NLGN1: variants seen among roughly 807,000 people sequenced by gnomAD.
NLGN1 encodes the protein neuroligin-1.
NLGN1 carries 12 observed loss-of-function variants against 65.5 expected under a neutral mutation model. The ratio of observed to expected loss-of-function variants is 0.18; its 90% CI spans 0.12 to 0.30. The LOEUF is 0.30. Ranked by LOEUF, NLGN1 falls within the 10% of genes least tolerant of loss-of-function variation. NLGN1 has a pLI of 1.00. For synonymous variants in NLGN1, 350 were observed against 359.5 expected (o/e 0.97, Z 0.30); for missense variants, 750 against 1,007.1 (o/e 0.74, Z 3.46).
chr3:173,953,316 A>G (rs940824080), intron 4 of NLGN1, among the ~76,000 whole-genome samples: 14 of 152,198 alleles, frequency 9.2e-5, no homozygotes, highest in African/African-American at 3.4e-4. Flanking sequence ...TTTTTCAAAA[A>G]GATGAACTTT....
At chr3:174,252,910 T>C (rs528476030) in intron 4 of NLGN1, among the ~76,000 whole-genome samples, 1 of 152,244 alleles carries the variant, frequency 6.6e-6, no homozygotes, top group East Asian at 1.9e-4. Flanking sequence ...AAACTATAAA[T>C]TGAGTAACTA....
At chr3:173,986,207 G>T (rs1005724036) in intron 4 of NLGN1, among the ~76,000 whole-genome samples, 1 of 152,022 alleles carries the variant, frequency 6.6e-6, no homozygotes, top group East Asian at 1.9e-4. Context: ...GGTGGCTCAC[G>T]CCTGTAATCC....
At chr3:173,968,687 C>CTTTTT (rs34662762) in intron 4 of NLGN1, among the ~76,000 whole-genome samples, 16 of 59,474 alleles carry the variant, frequency 2.7e-4, no homozygotes, top group African/African-American at 4.4e-4. Context: ...TGAAAATAAT[C>CTTTTT]TTTTTTTTTT....
intron 3 of NLGN1, among the ~76,000 whole-genome samples, chr3:173,624,570 A>G (rs1225023074): frequency 1.3e-5 from 2 of 152,148 alleles, no homozygotes; most frequent in African/African-American, 2.4e-5. Context: ...GAAGATTTAG[A>G]ATACAAATTT....
intron 4 of NLGN1, among the ~76,000 whole-genome samples, chr3:173,938,234 A>G (rs1190081571): frequency 6.6e-6 from 1 of 152,164 alleles, no homozygotes; most frequent in Non-Finnish European, 1.5e-5. Context: ...GTAGAATGAT[A>G]CTTTCCAGTG....
chr3:174,040,094 C>A (rs9290489), intron 4 of NLGN1, among the ~76,000 whole-genome samples: 3 of 152,036 alleles, frequency 2.0e-5, no homozygotes, highest in African/African-American at 7.3e-5. Context: ...ATTTGGCTCC[C>A]CACTATTGAT....
chr3:174,227,690 G>C (rs1739972533), intron 4 of NLGN1, among the ~76,000 whole-genome samples: 1 of 151,952 alleles, frequency 6.6e-6, no homozygotes, highest in African/African-American at 2.4e-5. Context: ...ATTTCCTAAA[G>C]ATTCATAAAT....
chr3:173,840,601 T>C (rs972977746), intron 4 of NLGN1, among the ~76,000 whole-genome samples: 2 of 152,164 alleles, frequency 1.3e-5, no homozygotes, highest in African/African-American at 2.4e-5. Flanking sequence ...TAGTAAAACC[T>C]GGGTTAAGGC....
intron 4 of NLGN1, among the ~76,000 whole-genome samples, chr3:173,980,231 G>A (rs114441670): frequency 0.02 from 3,045 of 151,984 alleles, 94 homozygotes; most frequent in African/African-American, 0.07. Context: ...AGCAAAAAAT[G>A]TATACACTGA....
At chr3:173,911,264 G>T (rs1035389488) in intron 4 of NLGN1, among the ~76,000 whole-genome samples, 3 of 152,146 alleles carry the variant, frequency 2.0e-5, no homozygotes, top group African/African-American at 7.2e-5. Flanking sequence ...GCTAAATTTA[G>T]TAGTTTATCT....
chr3:174,164,575 A>G (rs1002781018), intron 4 of NLGN1, among the ~76,000 whole-genome samples: 5 of 152,080 alleles, frequency 3.3e-5, no homozygotes, highest in Non-Finnish European at 7.4e-5. Flanking sequence ...TCTTGTGCAT[A>G]TAGCTTGCAA....
chr3:173,436,041 G>A (rs193178200), intron 2 of NLGN1, among the ~76,000 whole-genome samples: 1 of 152,196 alleles, frequency 6.6e-6, no homozygotes, highest in East Asian at 1.9e-4. Flanking sequence ...ACAGCCGCAA[G>A]AACAAAATCA....
At chr3:174,034,501 G>C (rs914225487) in intron 4 of NLGN1, among the ~76,000 whole-genome samples, 2 of 151,962 alleles carry the variant, frequency 1.3e-5, no homozygotes, top group Admixed American at 6.6e-5. Context: ...GGTGATTATA[G>C]TACATGGATA....
At chr3:173,942,382 G>T (rs1009788108) in intron 4 of NLGN1, among the ~76,000 whole-genome samples, 1 of 152,100 alleles carries the variant, frequency 6.6e-6, no homozygotes. Flanking sequence ...AGGATCATAA[G>T]TGTAAACTTG....
At chr3:173,539,600 A>ATATT (rs1560405460) in intron 2 of NLGN1, among the ~76,000 whole-genome samples, 1 of 118,178 alleles carries the variant, frequency 8.5e-6, no homozygotes, top group East Asian at 3.2e-4. Flanking sequence ...GTTATATAAT[A>ATATT]TATGTATGTT....
chr3:173,942,890 C>A (rs1746413923), intron 4 of NLGN1, among the ~76,000 whole-genome samples: 1 of 152,094 alleles, frequency 6.6e-6, no homozygotes, highest in Admixed American at 6.6e-5. Context: ...TCTTTATTCT[C>A]TTTTTGGACT....
intron 4 of NLGN1, among the ~76,000 whole-genome samples, chr3:174,145,256 T>A (rs548843708): frequency 1.3e-5 from 2 of 152,272 alleles, no homozygotes; most frequent in African/African-American, 2.4e-5. Flanking sequence ...GTCTCACGCC[T>A]GTAATCACAG....
intron 2 of NLGN1, among the ~76,000 whole-genome samples, chr3:173,458,768 G>T (rs539892187): frequency 2.0e-5 from 3 of 152,232 alleles, no homozygotes; most frequent in Admixed American, 6.5e-5. Flanking sequence ...CATGTGGGAA[G>T]TTTTAAGGTT....
At chr3:173,764,823 TA>T (rs1387382244) in intron 3 of NLGN1, among the ~76,000 whole-genome samples, 1 of 152,158 alleles carries the variant, frequency 6.6e-6, no homozygotes, top group Non-Finnish European at 1.5e-5. Flanking sequence ...TAAAAAATCA[TA>T]TTAGTATCAT....
Sources: allele counts gnomAD v4.1 joint callset (sites outside exome capture counted in the v4.1 genomes callset), GRCh38; gene constraint gnomAD v4.1.1; transcripts MANE v1.5; gene names NCBI Gene and HGNC (gene_info 2026-07-23, HGNC 2026-07-21).